HECW1: variants seen among roughly 807,000 people sequenced by gnomAD.
HECW1 encodes E3 ubiquitin-protein ligase HECW1.
Under a neutral mutation model 182.3 loss-of-function variants are expected in HECW1, and 61 were observed. That is an observed-to-expected ratio of 0.33 (90% confidence interval 0.27 to 0.41). The LOEUF is 0.41. Among genes scored for constraint, HECW1 ranks in the 10% least tolerant of loss-of-function variants. The probability of loss-of-function intolerance (pLI) is 1.00; values close to 1 mark genes in which losing one functional copy is unlikely to be tolerated. For synonymous variants in HECW1, 859 were observed against 832.6 expected, an observed-to-expected ratio of 1.03 and a Z score of -0.55; for missense variants, 1,739 against 2,108.9, an observed-to-expected ratio of 0.82 and a Z score of 3.44.
intron 4 of HECW1, among the ~76,000 whole-genome samples, chr7:43,313,856 C>T (rs540929077): frequency 1.3e-5 from 2 of 152,220 alleles, no homozygotes; most frequent in South Asian, 4.2e-4. Context: ...TGCCACAGTC[C>T]CCTCCCACCC....
chr7:43,224,115 A>G, intron 2 of HECW1, among the ~76,000 whole-genome samples: 1 of 152,188 alleles, frequency 6.6e-6, no homozygotes, highest in Middle Eastern at 3.2e-3. Flanking sequence ...ACTGTGGAAA[A>G]AAGAGCTTTG....
At chr7:43,537,113 G>T (rs1025637104) in intron 24 of HECW1, among the ~76,000 whole-genome samples, 2 of 152,262 alleles carry the variant, frequency 1.3e-5, no homozygotes, top group Admixed American at 6.5e-5. Flanking sequence ...CTGCAACATC[G>T]GTCGAGACTC....
At position 43,477,295 on chromosome 7, in the gene HECW1, T is replaced by C. The variant is rs113958933; in HGVS notation, c.3100-2315T>C. ...AATAATCATAAATATTTTTCTAACT[T>C]TAACCAAGTAATTAATTCAACTTTT... On this transcript the variant is annotated intron_variant, in intron 16 of 29. Transcript: ENST00000395891. 2.8e-3 allele frequency among the ~76,000 whole-genome samples: 433 copies of C among 152,290 alleles called. 1 individual carries two copies. The highest frequency in any genetic ancestry group is 5.1e-3 in the Non-Finnish European group (347 of 67,986).
intron 6 of HECW1, among the ~76,000 whole-genome samples, chr7:43,382,147 A>G (rs2074578788): frequency 6.6e-6 from 1 of 152,108 alleles, no homozygotes; most frequent in Non-Finnish European, 1.5e-5. Flanking sequence ...TTAGCTGGGC[A>G]TGGTGGTGGG....
chr7:43,534,787 G>C (rs1271245152), intron 24 of HECW1, among the ~76,000 whole-genome samples: 1 of 152,218 alleles, frequency 6.6e-6, no homozygotes, highest in Non-Finnish European at 1.5e-5. Flanking sequence ...CAGAGCAGAA[G>C]TTTGCAGCAG....
intron 2 of HECW1, among the ~76,000 whole-genome samples, chr7:43,141,728 C>T (rs568829773): frequency 2.6e-5 from 4 of 152,246 alleles, no homozygotes; most frequent in East Asian, 3.9e-4. Flanking sequence ...GAACTCCCGA[C>T]GTCAGGTGAT....
At chr7:43,459,680 G>C (rs1250025746) in intron 13 of HECW1, among the ~76,000 whole-genome samples, 1 of 152,032 alleles carries the variant, frequency 6.6e-6, no homozygotes, top group Non-Finnish European at 1.5e-5. Context: ...TGGGACTACA[G>C]GCATGCACCA....
At chr7:43,140,703 C>T (rs372089733) in intron 2 of HECW1, among the ~76,000 whole-genome samples, 13 of 152,132 alleles carry the variant, frequency 8.5e-5, no homozygotes, top group East Asian at 1.9e-4. Flanking sequence ...TCCCTTTTTG[C>T]GGTATCAGCT....
chr7:43,138,915 G>A (rs544051546), intron 2 of HECW1, among the ~76,000 whole-genome samples: 2 of 152,190 alleles, frequency 1.3e-5, no homozygotes, highest in Admixed American at 6.5e-5. Flanking sequence ...CCTTTGGCAG[G>A]CTGCTGTGCA....
chr7:43,138,805 G>A (rs1348237943), intron 2 of HECW1, among the ~76,000 whole-genome samples: 1 of 152,124 alleles, frequency 6.6e-6, no homozygotes, highest in Non-Finnish European at 1.5e-5. Context: ...CAGGGTAGGG[G>A]CAGGGGGAAG....
chr7:43,495,847 G>A (rs1013149575), intron 19 of HECW1, among the ~76,000 whole-genome samples: 4 of 152,120 alleles, frequency 2.6e-5, no homozygotes, highest in Non-Finnish European at 4.4e-5. Flanking sequence ...ATTATCTTAA[G>A]GGTTTTTGAC....
intron 4 of HECW1, 108 bp from the exon 5 acceptor site, chr7:43,320,527 C>T (rs1427063322): frequency 9.4e-6 from 7 of 745,778 alleles, no homozygotes; most frequent in Non-Finnish European, 1.6e-5. Flanking sequence ...GCTTTTTCTT[C>T]TGTTGAGATG....
chr7:43,187,449 T>C (rs1274097687), intron 2 of HECW1, among the ~76,000 whole-genome samples: 1 of 152,190 alleles, frequency 6.6e-6, no homozygotes, highest in Non-Finnish European at 1.5e-5. Context: ...GTTATTTTGA[T>C]TCGTGCTTTC....
At chr7:43,343,205 A>G (rs1278903206) in intron 5 of HECW1, among the ~76,000 whole-genome samples, 1 of 151,296 alleles carries the variant, frequency 6.6e-6, no homozygotes, top group Non-Finnish European at 1.5e-5. Flanking sequence ...GTAGCTAAAA[A>G]CTTGCCATGA....
intron 16 of HECW1, among the ~76,000 whole-genome samples, chr7:43,478,199 C>T (rs2078290532): frequency 6.6e-6 from 1 of 152,112 alleles, no homozygotes; most frequent in African/African-American, 2.4e-5. Flanking sequence ...GGCAGATCAC[C>T]TGAGGTCAGG....
intron 11 of HECW1, among the ~76,000 whole-genome samples, chr7:43,449,908 C>G (rs2077177657): frequency 6.6e-6 from 1 of 152,230 alleles, no homozygotes; most frequent in Non-Finnish European, 1.5e-5. Flanking sequence ...CATGGCTGCT[C>G]TACATGCCTG....
chr7:43,550,706 G>T, intron 27 of HECW1, 115 bp downstream of exon 27: 3 of 1,056,310 alleles, frequency 2.8e-6, no homozygotes, highest in Non-Finnish European at 4.1e-6. Context: ...CAGAGAGGGA[G>T]AGCCAAGGTG....
rs529046499 is a variant in HECW1, at chr7:43,455,571, A to G, written c.2501-726A>G. Among the ~76,000 whole-genome samples, 8 of 152,310 alleles carry G rather than the reference A, an allele frequency of 5.3e-5. No homozygotes were observed. The South Asian group carries it at 1.5e-3, about 28-fold the overall frequency. On this transcript the variant is annotated intron_variant, in intron 12 of 29. Coordinates refer to ENST00000395891, the MANE Select transcript of HECW1 (RefSeq NM_015052.5). ...TCAGCTCGCACTGGAGGATACCCCA[A>G]TCTTCCACAGCTGTCGTTTGAGTAG... is the stretch of plus-strand genomic sequence containing the variant.
rs745891535 is a variant in HECW1, at chr7:43,229,305, C to T, written c.-31-14570C>T. Among the ~76,000 whole-genome samples the T allele has an allele frequency of 1.0e-3, 157 of 152,128 alleles. 1 individual carries two copies. The highest frequency in any genetic ancestry group is 4.1e-4 in the Non-Finnish European group (28 of 68,008). On this transcript the variant is annotated intron_variant, in intron 2 of 29. Transcript: ENST00000395891. ...ATTGCCATGGAAAATATTTCTTAAA[C>T]GATAGAATTCAAAACTCTGTTTAAA...
Sources: allele counts gnomAD v4.1 joint callset (sites outside exome capture counted in the v4.1 genomes callset), GRCh38; gene constraint gnomAD v4.1.1; transcripts MANE v1.5; gene names NCBI Gene and HGNC (gene_info 2026-07-23, HGNC 2026-07-21).